Variants in SRSF5 observed in about 807,000 individuals in gnomAD.
SRSF5 encodes the protein serine and arginine rich splicing factor 5, also known as serine/arginine-rich splicing factor 5.
SRSF5 carries 5 observed loss-of-function variants against 34.0 expected under a neutral mutation model. The observed-to-expected ratio is 0.15, with a 90% CI of 0.08 to 0.31. SRSF5 has a LOEUF of 0.31. Ranked by LOEUF, SRSF5 falls within the 10% of genes least tolerant of loss-of-function variation. SRSF5 has a pLI of 1.00. For synonymous variants in SRSF5, 164 were observed against 117.7 expected (o/e 1.39, Z -2.55); for missense variants, 223 against 351.4 (o/e 0.63, Z 2.92).
intron 5 of SRSF5, chr14:69,769,647 G>A: frequency 6.5e-7 from 1 of 1,531,876 alleles, no homozygotes; most frequent in Middle Eastern, 1.7e-4. Context: ...CTAGATCTGT[G>A]TTTGCCGGTC....
rs908125897 is a variant in SRSF5, at chr14:69,771,477, C to G, written c.*16C>G. 4 of 1,584,028 alleles carry G rather than the reference C, an allele frequency of 2.5e-6. No individual in the cohort carries two copies. The highest frequency in any genetic ancestry group is 3.4e-6 in the Non-Finnish European group (4 of 1,167,762). On this transcript the variant is annotated 3_prime_UTR_variant, in exon 8 of 8. Transcript: ENST00000557154. The stretch of plus-strand genomic sequence containing the variant: ...TGGCAATTAAACTGTAAATAACTTG[C>G]CCTGGGGGCCTTTTTTTAAAAAACA...
rs912194971 is a variant in SRSF5, at chr14:69,770,144, T to C, written c.367-323T>C. 3 of 1,061,938 alleles carry C rather than the reference T, an allele frequency of 2.8e-6. No homozygotes were observed. The African/African-American group carries it at 5.0e-5, about 18-fold the overall frequency. 65.8% of individuals were successfully genotyped at this position (1,061,938 alleles called of 1,614,324 possible). A position where few individuals can be genotyped will look rare whatever the true frequency, so the allele number is the denominator to read the frequency against. ...AACTTCTCTACTTTAGTCTTTACTT[T>C]AAAAATATGTACTGTTTCCTTTTTT... On this transcript the variant is annotated intron_variant, in intron 5 of 7. Coordinates refer to ENST00000557154, the MANE Select transcript of SRSF5 (RefSeq NM_001320214.2).
In SRSF5 at chr14:69,769,166, G is replaced by A. The variant is rs752025363; in HGVS notation, c.297-16G>A. On this transcript the variant is annotated splice_polypyrimidine_tract_variant and intron_variant, in intron 4 of 7. Transcript: ENST00000557154. ...ATTGCATTTCTTCCATTGTGAATAC[G>A]AATTTTCTTCCTCAGAAATGCTCCA... 3.1e-6 allele frequency: 5 copies of A among 1,614,046 alleles called. No homozygotes were observed. Among genetic ancestry groups the A allele is most frequent in the Middle Eastern group, 1.6e-4 (1 of 6,062 alleles).
In SRSF5 at chr14:69,771,083, A is replaced by G. The variant is rs1207123666; in HGVS notation, c.529A>G (p.Ile177Val). The change falls in exon 7 of 8, where the codon ATT becomes GTT. Residue 177 changes from isoleucine (I) to valine (V), a missense_variant. This residue lies in a region of SRSF5 where 37 missense variants were observed against 96.7 expected (regional missense o/e 0.38). Transcript: ENST00000557154. ...AATAAATGGGAGAAAAATAAAATTA[A>G]TTGAAGGCAGCAAAAGGCACAGGTA... is the stretch of plus-strand genomic sequence containing the variant. The part of the protein sequence containing the change: ...KEINGRKIKL[I>V]EGSKRHSRSR... The G allele has an allele frequency of 1.8e-5, 29 of 1,613,946 alleles. No individual in the cohort carries two copies. The highest frequency in any genetic ancestry group is 2.5e-5 in the Non-Finnish European group (29 of 1,179,996).
Position 69,770,447 on chromosome 14 carries a change from C to T in SRSF5, c.367-20C>T. 6.2e-7 allele frequency: 1 copy of T among 1,610,384 alleles called. No individual in the cohort carries two copies. Among genetic ancestry groups the T allele is most frequent in the East Asian group, 2.2e-5 (1 of 44,800 alleles). ...GTCCCCTTTCCTCTTCTTTGCTTAA[C>T]ACAATTATCTTGTGTTAAGGATCTC... On this transcript the variant is annotated intron_variant, in intron 5 of 7. Coordinates refer to ENST00000557154, the MANE Select transcript of SRSF5 (RefSeq NM_001320214.2).
At chr14:69,771,157 A>G (rs766174819) in intron 7 of SRSF5, 37 bp from the exon 8 acceptor site, 1 of 1,613,330 alleles carries the variant, frequency 6.2e-7, no homozygotes, top group Non-Finnish European at 8.5e-7. Flanking sequence ...TTTGTTGTAG[A>G]GTCTTATCTA....
Position 69,769,263 on chromosome 14 carries a change from T to C in SRSF5, c.366+12T>C, listed in dbSNP as rs913643657. On this transcript the variant is annotated intron_variant, in intron 5 of 7. Coordinates refer to ENST00000557154, the MANE Select transcript of SRSF5 (RefSeq NM_001320214.2). ...GAGTCAGCTGGCAGGTTTGTTGAAA[T>C]ACAGTTTTGAGTTATTTTGATGTGG... 3.1e-6 allele frequency: 5 copies of C among 1,614,084 alleles called. No homozygotes were observed. Among genetic ancestry groups the C allele is most frequent in the Non-Finnish European group, 3.4e-6 (4 of 1,179,934 alleles).
chr14:69,767,697 G>A (rs1429988781), intron 1 of SRSF5: 2 of 364,186 alleles, frequency 5.5e-6, no homozygotes, highest in Non-Finnish European at 1.1e-5. Context: ...GCCGCAGAGC[G>A]CCCGCCCGCT....
intron 5 of SRSF5, chr14:69,770,213 C>T (rs1883036322): frequency 1.6e-6 from 2 of 1,245,952 alleles, no homozygotes; most frequent in Non-Finnish European, 2.0e-6. Context: ...CTGAGCTCAG[C>T]ATAGACTAAT....
At chr14:69,767,928 C>T (rs566863579) in intron 1 of SRSF5, 3 of 512,114 alleles carry the variant, frequency 5.9e-6, no homozygotes, top group Non-Finnish European at 7.0e-6. Flanking sequence ...GCGGTTGCTG[C>T]GGTCTGGGCC....
chr14:69,769,394 T>C, intron 5 of SRSF5, 143 bp downstream of exon 5: 2 of 1,498,974 alleles, frequency 1.3e-6, no homozygotes, highest in Non-Finnish European at 1.8e-6. Flanking sequence ...TAATTAAATG[T>C]AATTTGGGGG....
At chr14:69,769,731 C>T in intron 5 of SRSF5, 1 of 1,405,924 alleles carries the variant, frequency 7.1e-7, no homozygotes. Context: ...TGATCTGATC[C>T]CTAAGTTGAG....
intron 1 of SRSF5, chr14:69,767,723 G>A (rs1223470865): frequency 5.6e-6 from 2 of 356,674 alleles, no homozygotes; most frequent in Admixed American, 3.8e-5. Flanking sequence ...TGGCGCAGGC[G>A]CGGTCGAGGC....
At chr14:69,767,864 C>G in intron 1 of SRSF5, 2 of 402,084 alleles carry the variant, frequency 5.0e-6, no homozygotes, top group South Asian at 4.3e-5. Context: ...GGGAGGGGGC[C>G]GGAGAGCCCG....
chr14:69,770,219 C>CT (rs1883037009), intron 5 of SRSF5: 2 of 1,268,164 alleles, frequency 1.6e-6, no homozygotes, highest in South Asian at 1.9e-5. Flanking sequence ...TCAGCATAGA[C>CT]TAATACTACC....
At chr14:69,768,333 T>TA (rs779392041) in intron 2 of SRSF5, 51 bp downstream of exon 2, 1 of 1,604,402 alleles carries the variant, frequency 6.2e-7, no homozygotes, top group African/African-American at 1.3e-5. Context: ...AGAGTTTTGA[T>TA]AAGCAGTTGT....
At position 69,771,138 on chromosome 14, in the gene SRSF5, T is replaced by G. The variant is rs368921742; in HGVS notation, c.551+33T>G. 1.9e-5 allele frequency: 31 copies of G among 1,613,000 alleles called. No individual in the cohort carries two copies. In the Admixed American group the frequency reaches 2.0e-4, roughly 10 times the overall value. On this transcript the variant is annotated intron_variant, in intron 7 of 7. Transcript: ENST00000557154. ...TAATTTTTTAAAGTCAAAAGTTGTA[T>G]TTAATGGGTTTGTTGTAGAGTCTTA... is the stretch of plus-strand genomic sequence containing the variant.
rs1882550345 is a variant in SRSF5, at chr14:69,767,195, C to G, written c.-80C>G. The G allele has an allele frequency of 2.8e-6, 1 of 356,204 alleles. No homozygotes were observed. The highest frequency in any genetic ancestry group is 2.1e-5 in the South Asian group (1 of 47,272). 22.1% of individuals were successfully genotyped at this position (356,204 alleles called of 1,614,324 possible). On this transcript the variant is annotated 5_prime_UTR_variant, in exon 1 of 8. Transcript: ENST00000557154. The stretch of plus-strand genomic sequence containing the variant: ...AAGTCCTGGTCTGCGTGGAGGTCGA[C>G]GACTCCGTCGCAGACTACGGACCTG...
intron 3 of SRSF5, 50 bp from the exon 4 acceptor site, chr14:69,768,748 G>C: frequency 1.2e-6 from 2 of 1,612,010 alleles, no homozygotes; most frequent in African/African-American, 1.3e-5. Context: ...TTTCTAAGTA[G>C]ATTTATGTAG....
Sources: gnomAD v4.1 joint callset for allele counts on GRCh38, gnomAD v4.1.1 for gene constraint, gnomAD v4.1.1 regional missense constraint, MANE v1.5 for transcripts, NCBI Gene and HGNC (gene_info 2026-07-23, HGNC 2026-07-21) for gene names.